The following SESN2 variants were observed in gnomAD, a reference collection of about 807,000 sequenced individuals.
SESN2 encodes sestrin-2.
Under a neutral mutation model 56.0 loss-of-function variants are expected in SESN2, and 42 were observed. The ratio of observed to expected loss-of-function variants is 0.75; its 90% CI spans 0.59 to 0.97. The LOEUF (loss-of-function observed/expected upper bound fraction) is 0.97. Ranked by LOEUF, SESN2 falls within the 50% of genes least tolerant of loss-of-function variation. SESN2 has a pLI of 0.00. For missense variants in SESN2, 507 were observed against 649.4 expected, an observed-to-expected ratio of 0.78 and a Z score of 2.38; for synonymous variants, 264 against 267.1, an observed-to-expected ratio of 0.99 and a Z score of 0.11.
intron 9 of SESN2, 61 bp downstream of exon 9, chr1:28,279,302 AG>A: frequency 6.3e-7 from 1 of 1,586,296 alleles, no homozygotes. Context: ...GGAGAGGGCA[AG>A]GGGTTAGGAC....
rs762342336 is a variant in SESN2 at position 28,272,369 on chromosome 1, T to C, written c.440T>C (p.Leu147Pro). The stretch of plus-strand genomic sequence containing the variant: ...ACTGGTGGTGACCCTGAGTGGCTGC[T>C]GGGCCTCCACCGGGCCCCCGAGAAG... ...LQTGGDPEWL[L>P]GLHRAPEKLR... Residue 147 changes from leucine to proline, a missense_variant, in exon 4 of 10, where the codon CTG (leucine) becomes CCG (proline). Leu to Pro is a moderately conservative substitution (Grantham distance 98). Transcript: ENST00000253063. The C allele has an allele frequency of 6.2e-7, 1 of 1,612,376 alleles. No individual in the cohort carries two copies. The highest frequency in any genetic ancestry group is 8.5e-7 in the Non-Finnish European group (1 of 1,179,798).
chr1:28,267,742 G>C (rs1021614058), intron 1 of SESN2, among the ~76,000 whole-genome samples: 2 of 152,172 alleles, frequency 1.3e-5, no homozygotes, highest in African/African-American at 4.8e-5. Flanking sequence ...CCTGATATTA[G>C]TGGTTTCTAA....
At position 28,272,436 on chromosome 1, in the gene SESN2, G is replaced by A. The variant is rs201862474; in HGVS notation, c.507G>A (p.Arg169=). 5 of 1,613,230 alleles carry A rather than the reference G, an allele frequency of 3.1e-6. No homozygotes were observed. In the African/African-American group the frequency reaches 6.7e-5, roughly 21 times the overall value. The change falls in exon 4 of 10, where the codon CGG becomes CGA. Residue 169 remains arginine, a synonymous_variant. Transcript: ENST00000253063. ...LSEINKLLAH[R]PWLITKEHIQ... ...AGATCAACAAGTTGCTGGCGCATCG[G>A]CCATGGCTCATCACCAAGGAACACA... is the stretch of plus-strand genomic sequence containing the variant.
At chr1:28,265,880 A>C (rs1341004273) in intron 1 of SESN2, among the ~76,000 whole-genome samples, 1 of 152,144 alleles carries the variant, frequency 6.6e-6, no homozygotes, top group Non-Finnish European at 1.5e-5. Context: ...AACAGCTCAA[A>C]GACCACCTCC....
chr1:28,269,242 G>A lies in SESN2; in HGVS notation c.150G>A (p.Val50=). 1 of 1,611,468 alleles carries A rather than the reference G, an allele frequency of 6.2e-7. No individual in the cohort carries two copies. The highest frequency in any genetic ancestry group is 8.5e-7 in the Non-Finnish European group (1 of 1,178,610). Residue 50 remains valine, a synonymous_variant, in exon 2 of 10, where the codon GTG becomes GTA. Coordinates refer to ENST00000253063, the MANE Select transcript of SESN2 (RefSeq NM_031459.5). ...GAGGGCCCAGCGCCTTCATCCCCGT[G>A]GAGGAGGTAAGCTTGGAAGGGGTTA... The part of the protein sequence containing the change: ...GPRGPSAFIP[V]EEVLREGAES...
intron 1 of SESN2, among the ~76,000 whole-genome samples, chr1:28,262,409 G>A (rs1471186059): frequency 1.3e-5 from 2 of 152,068 alleles, no homozygotes; most frequent in African/African-American, 2.4e-5. Flanking sequence ...TTGGGAGGCC[G>A]AGGCAGATGG....
intron 9 of SESN2, 148 bp from the exon 10 acceptor site, chr1:28,280,568 T>G: frequency 5.9e-6 from 4 of 672,772 alleles, no homozygotes; most frequent in South Asian, 5.0e-5. Flanking sequence ...GTCCTTGTAC[T>G]AAACTGCTCA....
chr1:28,274,630 CAG>C (rs1647956489), intron 7 of SESN2, among the ~76,000 whole-genome samples, 193 bp from the exon 8 acceptor site: 1 of 152,180 alleles, frequency 6.6e-6, no homozygotes, highest in African/African-American at 2.4e-5. Flanking sequence ...ACCCTAAGCT[CAG>C]GGGTTGCTGA....
At chr1:28,271,114 A>T (rs1369133745) in intron 2 of SESN2, among the ~76,000 whole-genome samples, 1 of 152,232 alleles carries the variant, frequency 6.6e-6, no homozygotes, top group Non-Finnish European at 1.5e-5. Context: ...AGCAAGGAAG[A>T]AAACTTCCTG....
intron 2 of SESN2, among the ~76,000 whole-genome samples, chr1:28,271,400 T>C (rs538348719): frequency 9.2e-5 from 14 of 152,324 alleles, no homozygotes; most frequent in East Asian, 3.9e-4. Flanking sequence ...GTTTTATAGT[T>C]GTTGTGAGAG....
At chr1:28,278,992 A>C (rs1648141539) in intron 8 of SESN2, 105 bp from the exon 9 acceptor site, 2 of 1,144,520 alleles carry the variant, frequency 1.7e-6, no homozygotes, top group Admixed American at 1.9e-5. Flanking sequence ...CTACCTTCTG[A>C]TTTTTCTCAA....
chr1:28,278,434 G>T (rs952123229), intron 8 of SESN2, among the ~76,000 whole-genome samples: 2 of 152,190 alleles, frequency 1.3e-5, no homozygotes, highest in African/African-American at 4.8e-5. Context: ...GGGCACAGTG[G>T]CATGTACCTG....
intron 1 of SESN2, among the ~76,000 whole-genome samples, chr1:28,263,282 C>T (rs1286588745): frequency 6.6e-6 from 1 of 152,194 alleles, no homozygotes; most frequent in Non-Finnish European, 1.5e-5. Context: ...CTGTTTCCCT[C>T]TGGGTGGTTG....
At chr1:28,276,634 C>CA (rs1389192720) in intron 8 of SESN2, among the ~76,000 whole-genome samples, 1 of 117,552 alleles carries the variant, frequency 8.5e-6, no homozygotes, top group East Asian at 2.8e-4. Context: ...GGCTGGAGTG[C>CA]AATGGGGTGA....
At chr1:28,262,682 A>G (rs922744098) in intron 1 of SESN2, among the ~76,000 whole-genome samples, 4 of 149,624 alleles carry the variant, frequency 2.7e-5, no homozygotes, top group African/African-American at 9.9e-5. Context: ...TAATCCAAGC[A>G]CTTTGGGAGG....
intron 8 of SESN2, 118 bp from the exon 9 acceptor site, chr1:28,278,979 C>A: frequency 1.0e-6 from 1 of 984,958 alleles, no homozygotes; most frequent in Non-Finnish European, 1.6e-6. Flanking sequence ...CTTCTTGTTG[C>A]TTCTACCTTC....
intron 1 of SESN2, among the ~76,000 whole-genome samples, chr1:28,262,621 CAAAA>C (rs71027268): frequency 3.8e-4 from 20 of 52,486 alleles, no homozygotes; most frequent in African/African-American, 1.4e-3. Context: ...GAGTCTGTCT[CAAAA>C]AAAAAAAAAA....
intron 1 of SESN2, among the ~76,000 whole-genome samples, chr1:28,262,620 T>TAAAAAAA (rs1647414371): frequency 4.2e-5 from 1 of 24,086 alleles, no homozygotes; most frequent in Non-Finnish European, 7.1e-5. Flanking sequence ...AGAGTCTGTC[T>TAAAAAAA]CAAAAAAAAA....
chr1:28,272,202 A>G, intron 3 of SESN2, 82 bp from the exon 4 acceptor site: 6 of 1,431,536 alleles, frequency 4.2e-6, no homozygotes, highest in Non-Finnish European at 5.8e-6. Flanking sequence ...GAGCCCTACA[A>G]CCTCTCCCCT....
Sources: allele counts gnomAD v4.1 joint callset (sites outside exome capture counted in the v4.1 genomes callset), GRCh38; gene constraint gnomAD v4.1.1; transcripts MANE v1.5; gene names NCBI Gene and HGNC (gene_info 2026-07-23, HGNC 2026-07-21).